Variants in LAMA2 observed in about 807,000 individuals in gnomAD.
The protein encoded by LAMA2 is laminin subunit alpha 2.
LAMA2 carries 269 observed loss-of-function variants against 364.8 expected under a neutral mutation model. The ratio of observed to expected loss-of-function variants is 0.74; its 90% CI spans 0.67 to 0.82. LAMA2 has a LOEUF of 0.82. Ranked by LOEUF, LAMA2 falls within the 40% of genes least tolerant of loss-of-function variation. LAMA2 has a pLI of 0.00. For missense variants in LAMA2, 3,807 were observed against 3,873.2 expected (o/e 0.98, Z 0.45); for synonymous variants, 1,379 against 1,370.6 (o/e 1.01, Z -0.14).
At chr6:129,316,293 A>G in intron 27 of LAMA2, 122 bp downstream of exon 27, 1 of 802,474 alleles carries the variant, frequency 1.2e-6, no homozygotes, top group African/African-American at 1.7e-5. Context: ...ATGATAGAAG[A>G]TAAACCATGG....
At chr6:129,410,918 C>A (rs1780509745) in intron 40 of LAMA2, among the ~76,000 whole-genome samples, 1 of 152,122 alleles carries the variant, frequency 6.6e-6, no homozygotes, top group Admixed American at 6.5e-5. Flanking sequence ...ATGGTACAAA[C>A]CACAGTTCAA....
intron 45 of LAMA2, among the ~76,000 whole-genome samples, chr6:129,446,581 T>C (rs562599366): frequency 2.0e-3 from 85 of 43,336 alleles, no homozygotes; most frequent in Non-Finnish European, 2.8e-3. Flanking sequence ...AGGGGAGGGG[T>C]GGTAGAAAGA....
At chr6:129,210,003 CAAA>C (rs374127279) in intron 12 of LAMA2, among the ~76,000 whole-genome samples, 13 of 67,636 alleles carry the variant, frequency 1.9e-4, no homozygotes, top group Admixed American at 5.7e-4. Context: ...GACTCCATCT[CAAA>C]AAAAAAAAAA....
chr6:129,086,485 C>T (rs575727291), intron 3 of LAMA2, among the ~76,000 whole-genome samples: 1 of 152,214 alleles, frequency 6.6e-6, no homozygotes, highest in Non-Finnish European at 1.5e-5. Flanking sequence ...AAAAGAAATG[C>T]TCAGTTGTTA....
intron 61 of LAMA2, among the ~76,000 whole-genome samples, chr6:129,505,571 C>A (rs978326006): frequency 6.4e-4 from 97 of 152,026 alleles, no homozygotes; most frequent in African/African-American, 2.1e-3. Flanking sequence ...TGCAGTGGTG[C>A]GATCTTGGCT....
At chr6:128,981,555 C>A (rs1782875502) in intron 1 of LAMA2, among the ~76,000 whole-genome samples, 1 of 129,992 alleles carries the variant, frequency 7.7e-6, no homozygotes, top group Non-Finnish European at 1.6e-5. Context: ...CCAGCCTGGG[C>A]AATATGCGAA....
intron 34 of LAMA2, among the ~76,000 whole-genome samples, chr6:129,376,545 C>A (rs1212919369): frequency 6.6e-6 from 1 of 152,098 alleles, no homozygotes; most frequent in Non-Finnish European, 1.5e-5. Context: ...GGATAAAGAC[C>A]AAAATTCTCC....
chr6:128,945,854 G>C (rs911598120), intron 1 of LAMA2, among the ~76,000 whole-genome samples: 1 of 152,210 alleles, frequency 6.6e-6, no homozygotes, highest in African/African-American at 2.4e-5. Flanking sequence ...CAAAGTAGAA[G>C]ATATAATTCG....
chr6:129,045,734 A>G (rs1787440098), intron 1 of LAMA2, among the ~76,000 whole-genome samples: 1 of 152,202 alleles, frequency 6.6e-6, no homozygotes, highest in South Asian at 2.1e-4. Flanking sequence ...AACATACAAC[A>G]TAAAGAAAAT....
At chr6:129,202,283 G>A (rs1437405802) in intron 12 of LAMA2, among the ~76,000 whole-genome samples, 21 of 151,874 alleles carry the variant, frequency 1.4e-4, no homozygotes, top group Non-Finnish European at 1.2e-4. Context: ...GACCCTATAT[G>A]CTATGGTCCA....
chr6:129,095,447 A>G (rs564651337), intron 3 of LAMA2, among the ~76,000 whole-genome samples: 2 of 152,328 alleles, frequency 1.3e-5, no homozygotes, highest in Non-Finnish European at 2.9e-5. Context: ...AGGATTAGAG[A>G]TAAGTTTTAT....
chr6:129,165,784 T>C, intron 9 of LAMA2, 109 bp downstream of exon 9: 1 of 765,158 alleles, frequency 1.3e-6, no homozygotes. Context: ...TGTAATAAAT[T>C]TATTCTTTAA....
rs149120794 is a variant in LAMA2, at chr6:129,375,890, C to T, written c.4959+5900C>T. Among the ~76,000 whole-genome samples the T allele has an allele frequency of 3.2e-3, 485 of 152,220 alleles. 2 individuals carry two copies. Among genetic ancestry groups the T allele is most frequent in the African/African-American group, 0.011 (449 of 41,554 alleles). On this transcript the variant is annotated intron_variant, in intron 34 of 64. Coordinates refer to ENST00000421865, the MANE Select transcript of LAMA2 (RefSeq NM_000426.4). ...GTGTAGAACATCTCAGTGTTTTATC[C>T]GCCAGTATATGCCCAGTCTCCCAAA...
intron 12 of LAMA2, among the ~76,000 whole-genome samples, chr6:129,201,343 CT>C (rs1271603496): frequency 6.6e-6 from 1 of 152,134 alleles, no homozygotes; most frequent in African/African-American, 2.4e-5. Context: ...GGAACCTGAC[CT>C]GCACAGAGAG....
chr6:128,915,332 G>A (rs1208596589), intron 1 of LAMA2, among the ~76,000 whole-genome samples: 1 of 152,046 alleles, frequency 6.6e-6, no homozygotes, highest in African/African-American at 2.4e-5. Flanking sequence ...TCTTTTAGTT[G>A]CTAACCTGCT....
intron 29 of LAMA2, 103 bp downstream of exon 29, chr6:129,328,515 A>C: frequency 6.4e-7 from 1 of 1,555,406 alleles, no homozygotes; most frequent in South Asian, 1.1e-5. Context: ...AGGGAATGCA[A>C]CTGTGTGTGT....
chr6:129,236,182 G>GC (rs143703353), intron 12 of LAMA2, among the ~76,000 whole-genome samples: 2,137 of 152,212 alleles, frequency 0.014, 40 homozygotes, highest in African/African-American at 0.048. Context: ...AGTAAAATGA[G>GC]CAAGAAAATT....
intron 1 of LAMA2, among the ~76,000 whole-genome samples, chr6:128,998,039 G>C (rs940352792): frequency 6.6e-6 from 1 of 152,050 alleles, no homozygotes; most frequent in African/African-American, 2.4e-5. Flanking sequence ...GAGTCAGAGA[G>C]CTGCACAGAT....
intron 10 of LAMA2, among the ~76,000 whole-genome samples, chr6:129,182,600 A>G (rs898534546): frequency 2.0e-5 from 3 of 151,836 alleles, no homozygotes; most frequent in South Asian, 4.1e-4. Context: ...GGTGGAAAAA[A>G]CAATGTCATT....
Sources: gnomAD v4.1 joint callset for allele counts (sites outside exome capture counted in the v4.1 genomes callset) on GRCh38, gnomAD v4.1.1 for gene constraint, MANE v1.5 for transcripts, NCBI Gene and HGNC (gene_info 2026-07-23, HGNC 2026-07-21) for gene names.